ATXN7: variants seen among roughly 807,000 people sequenced by gnomAD.
ATXN7 encodes ataxin-7.
In ATXN7, 12 loss-of-function variants were observed where a neutral mutation model predicts 70.5. The ratio of observed to expected loss-of-function variants is 0.17; its 90% CI spans 0.11 to 0.28. The LOEUF (loss-of-function observed/expected upper bound fraction) is 0.28, where lower values mean the gene tolerates loss of function less well. ATXN7 is among the 10% of genes least tolerant of loss of function. The pLI, the probability that ATXN7 is intolerant of heterozygous loss-of-function variation, is 1.00. For synonymous variants in ATXN7, 498 were observed against 448.7 expected, an observed-to-expected ratio of 1.11 and a Z score of -1.39; for missense variants, 1,256 against 1,131.7, an observed-to-expected ratio of 1.11 and a Z score of -1.58.
In ATXN7 at chr3:63,999,729, T is replaced by C; in HGVS notation, c.*262T>C. 1.6e-6 allele frequency: 1 copy of C among 607,694 alleles called. No homozygotes were observed. Among genetic ancestry groups the C allele is most frequent in the East Asian group, 2.8e-5 (1 of 35,962 alleles). The allele number at this position is 607,694 out of a possible 1,614,324, so 37.6% of individuals were successfully genotyped here. The stretch of plus-strand genomic sequence containing the variant: ...TCAGTGTTAAAGTGGTCTGAACTGC[T>C]TGCTACCAATCTGTGAGAAGTTTTT... On this transcript the variant is annotated 3_prime_UTR_variant, in exon 13 of 13. Coordinates refer to ENST00000674280, the MANE Select transcript of ATXN7 (RefSeq NM_001377405.1).
intron 4 of ATXN7, 86 bp downstream of exon 4, chr3:63,913,311 C>T (rs924155046): frequency 7.4e-7 from 1 of 1,349,186 alleles, no homozygotes; most frequent in Admixed American, 1.9e-5. Flanking sequence ...ATCAGCCCAC[C>T]ATACCGACTC....
intron 2 of ATXN7, chr3:63,901,125 T>C (rs1703626041): frequency 6.6e-6 from 1 of 152,244 alleles, no homozygotes; most frequent in Non-Finnish European, 1.5e-5. Context: ...TACCTTTTTT[T>C]CTTAATTAAC....
At chr3:63,902,822 T>C (rs1703693864) in intron 2 of ATXN7, among the ~76,000 whole-genome samples, 1 of 152,134 alleles carries the variant, frequency 6.6e-6, no homozygotes, top group African/African-American at 2.4e-5. Context: ...AAAGTTTCAA[T>C]ATTAGTTTAG....
At chr3:63,969,023 T>A (rs1382340543) in intron 5 of ATXN7, among the ~76,000 whole-genome samples, 1 of 152,236 alleles carries the variant, frequency 6.6e-6, no homozygotes, top group Non-Finnish European at 1.5e-5. Flanking sequence ...GTTCACTGTT[T>A]CTGCTTTCGT....
intron 4 of ATXN7, among the ~76,000 whole-genome samples, chr3:63,949,527 T>C (rs2074919877): frequency 6.6e-6 from 1 of 152,066 alleles, no homozygotes; most frequent in African/African-American, 2.4e-5. Flanking sequence ...GCCTCCTGAG[T>C]AGCTGTGGTT....
chr3:63,913,119 C>G, intron 3 of ATXN7, 38 bp from the exon 4 acceptor site: 4 of 1,601,282 alleles, frequency 2.5e-6, no homozygotes, highest in Non-Finnish European at 3.4e-6. Flanking sequence ...GGCCACTGAC[C>G]TGCCTCTCCC....
At chr3:63,918,419 C>G (rs1323897348) in intron 4 of ATXN7, among the ~76,000 whole-genome samples, 2 of 152,190 alleles carry the variant, frequency 1.3e-5, no homozygotes, top group African/African-American at 4.8e-5. Context: ...CTTTTGTCTT[C>G]TTTTCTCCTC....
At chr3:63,887,680 G>C (rs1328497587) in intron 1 of ATXN7, among the ~76,000 whole-genome samples, 1 of 152,020 alleles carries the variant, frequency 6.6e-6, no homozygotes, top group African/African-American at 2.4e-5. Context: ...CAACCTCCCA[G>C]GCTCAAGTGA....
At chr3:63,934,541 T>C (rs2074622746) in intron 4 of ATXN7, among the ~76,000 whole-genome samples, 1 of 152,156 alleles carries the variant, frequency 6.6e-6, no homozygotes, top group South Asian at 2.1e-4. Context: ...ACTGAAGGAA[T>C]AGAGAGTGAA....
chr3:63,954,470 C>T (rs1312144089), intron 5 of ATXN7, among the ~76,000 whole-genome samples: 1 of 152,100 alleles, frequency 6.6e-6, no homozygotes, highest in Non-Finnish European at 1.5e-5. Context: ...GCCTCAGTGC[C>T]AATCGGAGTT....
chr3:63,975,690 A>G (rs918770764), intron 5 of ATXN7, among the ~76,000 whole-genome samples: 1 of 152,162 alleles, frequency 6.6e-6, no homozygotes, highest in Non-Finnish European at 1.5e-5. Flanking sequence ...CTCAGCGTGA[A>G]TTCAGAATTA....
intron 2 of ATXN7, among the ~76,000 whole-genome samples, chr3:63,911,283 C>G (rs1436934630): frequency 1.3e-5 from 2 of 152,124 alleles, no homozygotes; most frequent in Admixed American, 1.3e-4. Flanking sequence ...TGCTTTAGGT[C>G]ATTAAGTAGC....
intron 4 of ATXN7, among the ~76,000 whole-genome samples, chr3:63,942,654 A>G (rs769384576): frequency 9.9e-5 from 15 of 152,226 alleles, no homozygotes; most frequent in Non-Finnish European, 1.8e-4. Context: ...ATAGTGTTAC[A>G]AGAGGTAGTG....
chr3:63,863,683 T>C (rs552902447), upstream of ATXN7: 650 of 1,229,686 alleles, frequency 5.3e-4, 4 homozygotes, highest in African/African-American at 9.3e-3. Context: ...GGCCGAGGGG[T>C]TCCCGGAAGC....
intron 1 of ATXN7, among the ~76,000 whole-genome samples, chr3:63,882,115 A>G (rs2107224561): frequency 6.6e-6 from 1 of 152,220 alleles, no homozygotes; most frequent in Admixed American, 6.5e-5. Flanking sequence ...TGAGGAATGG[A>G]TTTTTATGTT....
At chr3:63,895,609 C>T (rs942574516) in intron 1 of ATXN7, among the ~76,000 whole-genome samples, 2 of 152,080 alleles carry the variant, frequency 1.3e-5, no homozygotes, top group African/African-American at 4.8e-5. Context: ...CCCTAGGGAA[C>T]CTAGGGAAGG....
At chr3:63,991,518 G>T (rs1180028921) in intron 11 of ATXN7, among the ~76,000 whole-genome samples, 1 of 152,160 alleles carries the variant, frequency 6.6e-6, no homozygotes, top group Admixed American at 6.5e-5. Flanking sequence ...CACTGGGACA[G>T]TAGGGAGGAG....
intron 4 of ATXN7, among the ~76,000 whole-genome samples, chr3:63,921,855 T>A (rs1704523269): frequency 6.6e-6 from 1 of 152,164 alleles, no homozygotes; most frequent in African/African-American, 2.4e-5. Flanking sequence ...AGGTTATCAG[T>A]AATGAAAGCA....
In ATXN7 at chr3:63,952,837, T is replaced by TTTTTC. The variant is rs2074978008; in HGVS notation, c.499+358_499+359insCTTTT. ...ACTCACAATATGGATGCATGGGCCT[T>TTTTTC]TTTTTTTTTTTTTTTTTTTTTTTTT... On this transcript the variant is annotated intron_variant, in intron 5 of 12. Coordinates refer to ENST00000674280, the MANE Select transcript of ATXN7 (RefSeq NM_001377405.1). Among the ~76,000 whole-genome samples, 3 of 88,232 alleles carry TTTTTC rather than the reference T, an allele frequency of 3.4e-5. No individual in the cohort carries two copies. The East Asian group carries it at 9.4e-4, about 28-fold the overall frequency. The allele number at this position is 88,232 out of a possible 152,430, so 57.9% of individuals were successfully genotyped here.
Sources: allele counts gnomAD v4.1 joint callset (sites outside exome capture counted in the v4.1 genomes callset), GRCh38; gene constraint gnomAD v4.1.1; transcripts MANE v1.5; gene names NCBI Gene and HGNC (gene_info 2026-07-23, HGNC 2026-07-21).